The following SORCS2 variants were observed in gnomAD, a reference collection of about 807,000 sequenced individuals.
SORCS2 encodes the protein VPS10 domain-containing receptor SorCS2.
A neutral mutation model predicts 141.6 loss-of-function variants in SORCS2; 100 were observed. The observed-to-expected ratio is 0.71, with a 90% CI of 0.60 to 0.83. The LOEUF (loss-of-function observed/expected upper bound fraction) is 0.83. Among genes scored for constraint, SORCS2 ranks in the 40% least tolerant of loss-of-function variants. The pLI is 0.00. For synonymous variants in SORCS2, 789 were observed against 676.9 expected, an observed-to-expected ratio of 1.17 and a Z score of -2.57; for missense variants, 1,646 against 1,560.2, an observed-to-expected ratio of 1.05 and a Z score of -0.93.
intron 2 of SORCS2, among the ~76,000 whole-genome samples, chr4:7,457,276 G>A (rs1475104375): frequency 6.6e-6 from 1 of 152,242 alleles, no homozygotes; most frequent in African/African-American, 2.4e-5. Flanking sequence ...TCAGTGCTGG[G>A]TGAGGTGACT....
At chr4:7,329,715 C>A (rs1719521731) in intron 1 of SORCS2, among the ~76,000 whole-genome samples, 2 of 152,228 alleles carry the variant, frequency 1.3e-5, no homozygotes, top group African/African-American at 2.4e-5. Flanking sequence ...CCCCAACTTA[C>A]AATGGCTCAA....
chr4:7,312,921 C>G (rs73208454), intron 1 of SORCS2, among the ~76,000 whole-genome samples: 1 of 152,128 alleles, frequency 6.6e-6, no homozygotes, highest in Non-Finnish European at 1.5e-5. Context: ...GGGCTCCCTG[C>G]AGAGCTGCAG....
At position 7,334,050 on chromosome 4, in the gene SORCS2, C is replaced by T. The variant is rs573294718; in HGVS notation, c.481-62238C>T. Reference sequence around the variant, plus strand: ...AGCCTCACAGCTTCCTGAGGCTCCGCGTCAACTCTGGGGTGACAACCAAGC... The same window carrying T: ...AGCCTCACAGCTTCCTGAGGCTCCGTGTCAACTCTGGGGTGACAACCAAGC... On this transcript the variant is annotated intron_variant, in intron 1 of 26. Transcript: ENST00000507866. Among the ~76,000 whole-genome samples the T allele has an allele frequency of 3.3e-5, 5 of 152,284 alleles. No homozygotes were observed. In the East Asian group the frequency reaches 5.8e-4, roughly 18 times the overall value.
At chr4:7,218,079 C>T (rs1413689495) in intron 1 of SORCS2, among the ~76,000 whole-genome samples, 1 of 152,110 alleles carries the variant, frequency 6.6e-6, no homozygotes, top group African/African-American at 2.4e-5. Context: ...GTGGGCAGAG[C>T]TGCCGGATGG....
intron 1 of SORCS2, among the ~76,000 whole-genome samples, chr4:7,353,528 G>T (rs1313864651): frequency 2.0e-5 from 3 of 152,216 alleles, no homozygotes; most frequent in Non-Finnish European, 2.9e-5. Flanking sequence ...ATGAGGCCTG[G>T]CACTTAGTAG....
rs1217996125 is a variant in SORCS2 at position 7,740,191 on chromosome 4, G to A, written c.3416-9G>A. The A allele has an allele frequency of 6.2e-7, 1 of 1,605,928 alleles. No individual in the cohort carries two copies. Among genetic ancestry groups the A allele is most frequent in the Admixed American group, 1.7e-5 (1 of 59,696 alleles). On this transcript the variant is annotated splice_polypyrimidine_tract_variant and intron_variant, in intron 26 of 26. Transcript: ENST00000507866. ...TGCTCACGGGACCTGCGTCTCTTCT[G>A]TTTCCTAGGCAACCACTCAGGCGTG...
At chr4:7,382,796 G>C (rs1041932603) in intron 1 of SORCS2, among the ~76,000 whole-genome samples, 3 of 152,152 alleles carry the variant, frequency 2.0e-5, no homozygotes, top group Admixed American at 6.5e-5. Flanking sequence ...GAAGGGGCCA[G>C]AACTGGGGAC....
rs1279974999 is a variant in SORCS2, at chr4:7,689,473, C to G, written c.1489-13C>G. ...TCATGTGTTGACAGTTGCGTCCTTT[C>G]TCTTCCTTGCAGCCAGACTGCCACC... On this transcript the variant is annotated splice_polypyrimidine_tract_variant and intron_variant, in intron 10 of 26. Transcript: ENST00000507866. 4 of 1,581,344 alleles carry G rather than the reference C, an allele frequency of 2.5e-6. No homozygotes were observed. The highest frequency in any genetic ancestry group is 3.4e-6 in the Non-Finnish European group (4 of 1,164,136).
At chr4:7,717,603 C>T (rs528252219) in intron 17 of SORCS2, among the ~76,000 whole-genome samples, 2 of 152,298 alleles carry the variant, frequency 1.3e-5, no homozygotes, top group African/African-American at 4.8e-5. Context: ...GAGCCAGTGG[C>T]GAGGTGGAGG....
intron 3 of SORCS2, among the ~76,000 whole-genome samples, chr4:7,605,295 G>A (rs983757237): frequency 3.9e-5 from 6 of 152,222 alleles, no homozygotes; most frequent in Non-Finnish European, 8.8e-5. Flanking sequence ...CAGAACTCCT[G>A]CTTGCATTCT....
At chr4:7,196,887 G>A (rs770673242) in intron 1 of SORCS2, among the ~76,000 whole-genome samples, 8 of 152,190 alleles carry the variant, frequency 5.3e-5, no homozygotes, top group Non-Finnish European at 1.0e-4. Context: ...GTATGTGGCA[G>A]CTTCTACTAT....
At chr4:7,367,775 G>A (rs1261972148) in intron 1 of SORCS2, among the ~76,000 whole-genome samples, 3 of 152,196 alleles carry the variant, frequency 2.0e-5, no homozygotes, top group East Asian at 1.9e-4. Context: ...ATAAACTCGG[G>A]GAAGTGGGCA....
rs371657866 is a variant in SORCS2, at chr4:7,434,332, A to G, written c.548+37977A>G. The G allele has an allele frequency of 4.8e-4, 779 of 1,610,882 alleles. 1 individual carries two copies. Among genetic ancestry groups the G allele is most frequent in the Non-Finnish European group, 6.4e-4 (758 of 1,178,956 alleles). On this transcript the variant is annotated intron_variant, in intron 2 of 26. Transcript: ENST00000507866. ...GACCTGCCGTACACAGTCTTGGCAC[A>G]GAGCTCCTTCAGGCGCCTGGCGGGG...
intron 1 of SORCS2, among the ~76,000 whole-genome samples, chr4:7,249,900 G>A (rs562332894): frequency 6.6e-6 from 1 of 152,166 alleles, no homozygotes; most frequent in African/African-American, 2.4e-5. Context: ...CCCACGGTGC[G>A]TGTGAGCATG....
intron 1 of SORCS2, among the ~76,000 whole-genome samples, chr4:7,305,452 G>A (rs2108908289): frequency 6.6e-6 from 1 of 151,784 alleles, no homozygotes; most frequent in Admixed American, 6.6e-5. Flanking sequence ...GTGGAGACAT[G>A]GCGTGGCCCT....
In SORCS2 at chr4:7,724,906, A is replaced by G. The variant is rs1560115030; in HGVS notation, c.2612-248A>G. The stretch of plus-strand genomic sequence containing the variant: ...TGGTGGTGTTGGTGATGGTGGTGAT[A>G]GTATTGGTGGGAATGGATGGTGGTA... On this transcript the variant is annotated intron_variant, in intron 19 of 26. Coordinates refer to ENST00000507866, the MANE Select transcript of SORCS2 (RefSeq NM_020777.3). Among the ~76,000 whole-genome samples, 223 of 27,912 alleles carry G rather than the reference A, an allele frequency of 8.0e-3. 14 individuals are homozygous for G. The highest frequency in any genetic ancestry group is 0.019 in the East Asian group (16 of 850). 18.3% of individuals were successfully genotyped at this position (27,912 alleles called of 152,430 possible).
intron 1 of SORCS2, among the ~76,000 whole-genome samples, chr4:7,273,635 A>G (rs538984620): frequency 6.6e-6 from 1 of 152,332 alleles, no homozygotes; most frequent in African/African-American, 2.4e-5. Flanking sequence ...GCTTCTGGAA[A>G]GGAATGGGGC....
intron 19 of SORCS2, among the ~76,000 whole-genome samples, chr4:7,724,655 TA>T (rs1726987458): frequency 7.0e-6 from 1 of 143,788 alleles, no homozygotes; most frequent in African/African-American, 2.6e-5. Flanking sequence ...GTGATGGTGG[TA>T]GTTATGGTGA....
intron 1 of SORCS2, among the ~76,000 whole-genome samples, chr4:7,300,674 A>G (rs1189726651): frequency 6.6e-6 from 1 of 152,180 alleles, no homozygotes; most frequent in Non-Finnish European, 1.5e-5. Context: ...CAGTCTGTGA[A>G]TTCCCCTGGT....
Sources: allele counts gnomAD v4.1 joint callset (sites outside exome capture counted in the v4.1 genomes callset), GRCh38; gene constraint gnomAD v4.1.1; transcripts MANE v1.5; gene names NCBI Gene and HGNC (gene_info 2026-07-23, HGNC 2026-07-21).